The following KCND3 variants were observed in gnomAD, a reference collection of about 807,000 sequenced individuals.
KCND3 encodes the protein A-type voltage-gated potassium channel KCND3.
In KCND3, 9 loss-of-function variants were observed where a neutral mutation model predicts 51.1. The observed-to-expected ratio is 0.18, with a 90% CI of 0.11 to 0.31. The LOEUF (loss-of-function observed/expected upper bound fraction) is 0.31. KCND3 is among the 10% of genes least tolerant of loss of function. The pLI is 1.00. For synonymous variants in KCND3, 349 were observed against 368.0 expected (o/e 0.95, Z 0.59); for missense variants, 526 against 903.8 (o/e 0.58, Z 5.36).
chr1:111,886,377 G>C lies in KCND3; in HGVS notation c.1106+95244C>G, dbSNP rs150992648. 3.3e-3 allele frequency among the ~76,000 whole-genome samples: 496 copies of C among 152,322 alleles called. 4 individuals are homozygous for C. The highest frequency in any genetic ancestry group is 0.011 in the African/African-American group (464 of 41,556). Reference sequence around the variant, plus strand: ...TTGACAAGTGTGTACAAAGAACAGTGACCTAGATGGCAAAGGCCTGGAAAC... The same window carrying C: ...TTGACAAGTGTGTACAAAGAACAGTCACCTAGATGGCAAAGGCCTGGAAAC... On this transcript the variant is annotated intron_variant, in intron 2 of 7. Coordinates refer to ENST00000302127, the MANE Select transcript of KCND3 (RefSeq NM_001378969.1).
At chr1:111,957,841 A>G (rs952062934) in intron 2 of KCND3, among the ~76,000 whole-genome samples, 6 of 152,228 alleles carry the variant, frequency 3.9e-5, no homozygotes, top group African/African-American at 1.4e-4. Flanking sequence ...AGTGTTGAAT[A>G]GCTGAGAATA....
intron 2 of KCND3, among the ~76,000 whole-genome samples, chr1:111,817,144 T>C (rs1222313605): frequency 2.7e-5 from 4 of 150,932 alleles, no homozygotes; most frequent in African/African-American, 9.8e-5. Flanking sequence ...AACTTTTGAA[T>C]GTTGTGAACA....
chr1:111,841,797 C>T (rs993964443), intron 2 of KCND3, among the ~76,000 whole-genome samples: 29 of 152,206 alleles, frequency 1.9e-4, no homozygotes, highest in African/African-American at 6.8e-4. Context: ...ATTTCCGTTT[C>T]CTCTGCTTAC....
intron 2 of KCND3, among the ~76,000 whole-genome samples, chr1:111,945,251 G>A (rs1672723026): frequency 6.6e-6 from 1 of 152,228 alleles, no homozygotes; most frequent in Non-Finnish European, 1.5e-5. Context: ...AGGTACACCA[G>A]CACAACCCCA....
intron 1 of KCND3, among the ~76,000 whole-genome samples, chr1:111,986,971 G>C (rs899673871): frequency 6.6e-6 from 1 of 152,130 alleles, no homozygotes; most frequent in Non-Finnish European, 1.5e-5. Context: ...CTGGATCTTT[G>C]ACCCTTAATA....
chr1:111,927,249 A>T, intron 2 of KCND3, among the ~76,000 whole-genome samples: 1 of 152,270 alleles, frequency 6.6e-6, no homozygotes, highest in East Asian at 1.9e-4. Context: ...GGGTGCCCAC[A>T]GGCTGAGGAG....
rs197420 is a variant in KCND3 at position 111,774,574 on chromosome 1, G to C, written c.*1503C>G. 0.29 allele frequency: 44,517 copies of C among 152,198 alleles called. 7,621 individuals are homozygous for C. Among genetic ancestry groups the C allele is most frequent in the African/African-American group, 0.49 (20,158 of 41,488 alleles). 9.4% of individuals were successfully genotyped at this position (152,198 alleles called of 1,614,324 possible). On this transcript the variant is annotated 3_prime_UTR_variant, in exon 8 of 8. Coordinates refer to ENST00000302127, the MANE Select transcript of KCND3 (RefSeq NM_001378969.1). ...ACTCCTTTGCTTGCACAGAGGTGAT[G>C]AGGCTTCTCCCCCATTTCAGCATCT...
chr1:111,837,648 G>A (rs936584559), intron 2 of KCND3, among the ~76,000 whole-genome samples: 6 of 152,132 alleles, frequency 3.9e-5, no homozygotes, highest in Admixed American at 2.6e-4. Flanking sequence ...CCCAAGGGCC[G>A]TCGATGAAGC....
chr1:111,868,812 T>G (rs1469609826), intron 2 of KCND3, among the ~76,000 whole-genome samples: 2 of 152,218 alleles, frequency 1.3e-5, no homozygotes, highest in Non-Finnish European at 2.9e-5. Flanking sequence ...CATGGCTCAC[T>G]GCAACCTTGA....
chr1:111,902,829 C>T (rs2101795467), intron 2 of KCND3, among the ~76,000 whole-genome samples: 2 of 152,286 alleles, frequency 1.3e-5, no homozygotes, highest in Non-Finnish European at 2.9e-5. Context: ...ATACTAGGTA[C>T]TCAGTAAATA....
intron 2 of KCND3, among the ~76,000 whole-genome samples, chr1:111,955,378 C>T (rs1336334770): frequency 6.6e-6 from 1 of 152,076 alleles, no homozygotes; most frequent in Non-Finnish European, 1.5e-5. Flanking sequence ...TGCATCATTG[C>T]ACTCCAGCCT....
chr1:111,859,089 A>G (rs995332761), intron 2 of KCND3, among the ~76,000 whole-genome samples: 7 of 152,264 alleles, frequency 4.6e-5, no homozygotes, highest in Admixed American at 1.3e-4. Context: ...CAAAAAAGCA[A>G]ATTTGATCAT....
chr1:111,908,626 C>A (rs938450304), intron 2 of KCND3, among the ~76,000 whole-genome samples: 1 of 152,154 alleles, frequency 6.6e-6, no homozygotes, highest in African/African-American at 2.4e-5. Context: ...CTGCCCAGAC[C>A]CCCTCCCTCC....
At chr1:111,809,550 T>C (rs944670613) in intron 2 of KCND3, among the ~76,000 whole-genome samples, 5 of 152,086 alleles carry the variant, frequency 3.3e-5, no homozygotes, top group Admixed American at 1.3e-4. Context: ...CCTCATGATC[T>C]ACCTGCCTCG....
chr1:111,955,137 C>T (rs755239174), intron 2 of KCND3, among the ~76,000 whole-genome samples: 5 of 152,206 alleles, frequency 3.3e-5, no homozygotes, highest in South Asian at 2.1e-4. Context: ...TATCCCTGCC[C>T]GGAACAGTGG....
chr1:111,942,965 G>A (rs181241120), intron 2 of KCND3, among the ~76,000 whole-genome samples: 4 of 152,226 alleles, frequency 2.6e-5, no homozygotes, highest in South Asian at 2.1e-4. Context: ...ATGAAGAACC[G>A]AAGCTAAAAC....
At chr1:111,935,087 C>T (rs1246920778) in intron 2 of KCND3, among the ~76,000 whole-genome samples, 1 of 152,182 alleles carries the variant, frequency 6.6e-6, no homozygotes, top group Non-Finnish European at 1.5e-5. Context: ...ATATGGCATA[C>T]TTGAACATGG....
At position 111,894,620 on chromosome 1, in the gene KCND3, C is replaced by T. The variant is rs549826124; in HGVS notation, c.1106+87001G>A. Reference sequence around the variant, plus strand: ...CTTCCCGGGAATGAAGGATGGCAGGCGTGATGACTAGCAGGCTGCGCTGCA... The same window carrying T: ...CTTCCCGGGAATGAAGGATGGCAGGTGTGATGACTAGCAGGCTGCGCTGCA... On this transcript the variant is annotated intron_variant, in intron 2 of 7. Transcript: ENST00000302127. Among the ~76,000 whole-genome samples, 8 of 152,300 alleles carry T rather than the reference C, an allele frequency of 5.3e-5. 1 individual carries two copies. Among genetic ancestry groups the T allele is most frequent in the Non-Finnish European group, 8.8e-5 (6 of 68,030 alleles).
chr1:111,934,102 C>T (rs966380618), intron 2 of KCND3, among the ~76,000 whole-genome samples: 3 of 152,124 alleles, frequency 2.0e-5, no homozygotes, highest in Non-Finnish European at 2.9e-5. Context: ...TTGTGGCAGC[C>T]GAGCTTCTCC....
Sources: gnomAD v4.1 joint callset for allele counts (sites outside exome capture counted in the v4.1 genomes callset) on GRCh38, gnomAD v4.1.1 for gene constraint, MANE v1.5 for transcripts, NCBI Gene and HGNC (gene_info 2026-07-23, HGNC 2026-07-21) for gene names.